Variants in KLF8 observed in about 807,000 individuals in gnomAD.
KLF8 encodes the protein KLF transcription factor 8.
A neutral mutation model predicts 18.2 loss-of-function variants in KLF8; 10 were observed. That is an observed-to-expected ratio of 0.55 (90% CI 0.34 to 0.93). The LOEUF (loss-of-function observed/expected upper bound fraction) is 0.93. Ranked by LOEUF, KLF8 falls within the 40% of genes least tolerant of loss-of-function variation. The pLI is 0.02. For missense variants in KLF8, 264 were observed against 277.9 expected (o/e 0.95, Z 0.36); for synonymous variants, 109 against 97.3 (o/e 1.12, Z -0.71).
At chrX:56,160,674 G>T in the KLF8 span, among the ~76,000 whole-genome samples, 3 of 111,334 alleles carry the variant, frequency 2.7e-5, no homozygotes, top group East Asian at 5.6e-4. Context: ...GATCTTTGCT[G>T]GTTTAAAATC....
the KLF8 span, among the ~76,000 whole-genome samples, chrX:56,113,177 G>A: frequency 1.2e-4 from 13 of 104,064 alleles, no homozygotes; most frequent in Non-Finnish European, 1.9e-4. Flanking sequence ...CAGCCTGGGC[G>A]ACAGAGCAAG....
the KLF8 span, among the ~76,000 whole-genome samples, chrX:56,021,961 C>CA: frequency 0.072 from 5,508 of 76,878 alleles, 210 homozygotes; most frequent in African/African-American, 0.16. Context: ...GAGAATAGAG[C>CA]AAAAAAAAAA....
At chrX:56,170,755 A>T in the KLF8 span, among the ~76,000 whole-genome samples, 5 of 111,857 alleles carry the variant, frequency 4.5e-5, no homozygotes, top group Admixed American at 4.8e-4. Context: ...AGATAGGGGT[A>T]GAAAGTTTAT....
the KLF8 span, among the ~76,000 whole-genome samples, chrX:56,205,040 A>T: frequency 1.8e-5 from 2 of 110,814 alleles, no homozygotes; most frequent in Non-Finnish European, 3.8e-5. Flanking sequence ...TGGAAAATGG[A>T]GGTTGTCTAT....
chrX:56,215,492 C>G, the KLF8 span, among the ~76,000 whole-genome samples: 1 of 109,977 alleles, frequency 9.1e-6, no homozygotes, highest in Non-Finnish European at 1.9e-5. Context: ...AGGTTTAGGT[C>G]CTCCATAGTG....
chrX:56,178,723 C>A, the KLF8 span, among the ~76,000 whole-genome samples: 1 of 112,122 alleles, frequency 8.9e-6, no homozygotes, highest in Non-Finnish European at 1.9e-5. Context: ...TTTCCCAGCA[C>A]CCTTTGTTAA....
At chrX:56,268,947 G>A in intron 3 of KLF8, 1 of 946,471 alleles carries the variant, frequency 1.1e-6, no homozygotes, top group South Asian at 2.3e-5. Flanking sequence ...TCTCACATCT[G>A]GACTAATCCT....
At chrX:56,101,603 T>A in the KLF8 span, among the ~76,000 whole-genome samples, 3 of 112,032 alleles carry the variant, frequency 2.7e-5, no homozygotes, top group Non-Finnish European at 5.6e-5. Flanking sequence ...AGCATTCCAT[T>A]TTCTCCTCAG....
At chrX:55,966,339 C>T in the KLF8 span, among the ~76,000 whole-genome samples, 1 of 112,262 alleles carries the variant, frequency 8.9e-6, no homozygotes, top group Non-Finnish European at 1.9e-5. Flanking sequence ...AGGTCTGTCC[C>T]AGCACAGACG....
chrX:56,235,875 G>A (rs189622160), intron 1 of KLF8, among the ~76,000 whole-genome samples: 113 of 111,716 alleles, frequency 1.0e-3, no homozygotes, highest in African/African-American at 3.5e-3. Context: ...CATAAGTTGC[G>A]GTCTCATCAT....
At chrX:56,130,850 A>G in the KLF8 span, among the ~76,000 whole-genome samples, 1 of 112,074 alleles carries the variant, frequency 8.9e-6, no homozygotes, top group African/African-American at 3.2e-5. Flanking sequence ...ACACAGAGAA[A>G]TGCGAAATGT....
chrX:56,190,750 A>G, the KLF8 span, among the ~76,000 whole-genome samples: 2 of 111,773 alleles, frequency 1.8e-5, no homozygotes, highest in African/African-American at 6.5e-5. Flanking sequence ...AATTAAGAAG[A>G]AAATTAAAAC....
At chrX:55,978,104 C>A in the KLF8 span, among the ~76,000 whole-genome samples, 1 of 110,899 alleles carries the variant, frequency 9.0e-6, no homozygotes, top group African/African-American at 3.3e-5. Flanking sequence ...GATAGACACA[C>A]AGACATGTTT....
At chrX:56,056,995 T>C in the KLF8 span, among the ~76,000 whole-genome samples, 8 of 111,866 alleles carry the variant, frequency 7.2e-5, no homozygotes, top group South Asian at 2.6e-3. Flanking sequence ...AGCAGCAGTC[T>C]GGCAGGGTGC....
chrX:56,177,997 G>A, the KLF8 span, among the ~76,000 whole-genome samples: 2 of 111,848 alleles, frequency 1.8e-5, no homozygotes, highest in East Asian at 5.6e-4. Flanking sequence ...GGTGCCATCT[G>A]TCACCCCTTT....
intron 5 of KLF8, among the ~76,000 whole-genome samples, chrX:56,276,373 T>C (rs1475302722): frequency 2.7e-5 from 3 of 111,894 alleles, no homozygotes; most frequent in Non-Finnish European, 5.6e-5. Context: ...TTCTTATTGC[T>C]CATTAATGTC....
At chrX:56,259,073 A>G (rs2147632647) in intron 2 of KLF8, among the ~76,000 whole-genome samples, 1 of 111,386 alleles carries the variant, frequency 9.0e-6, no homozygotes, top group South Asian at 3.8e-4. Context: ...ATTACTTCCT[A>G]CAAGTGGGAT....
the KLF8 span, among the ~76,000 whole-genome samples, chrX:56,078,627 G>T: frequency 1.8e-5 from 2 of 111,773 alleles, no homozygotes; most frequent in Admixed American, 1.9e-4. Flanking sequence ...TCTCTGCCAG[G>T]CTTTGGTATC....
chrX:56,166,136 A>AC, the KLF8 span, among the ~76,000 whole-genome samples: 1 of 100,037 alleles, frequency 1.0e-5, no homozygotes, highest in African/African-American at 3.6e-5. Flanking sequence ...TAAGTGCTTT[A>AC]TTTTTTTTTT....
Sources: allele counts gnomAD v4.1 joint callset (sites outside exome capture counted in the v4.1 genomes callset), GRCh38; gene constraint gnomAD v4.1.1; transcripts MANE v1.5; gene names NCBI Gene and HGNC (gene_info 2026-07-23, HGNC 2026-07-21).